The following ATP8A2 variants were observed in gnomAD, a reference collection of about 807,000 sequenced individuals.
The protein encoded by ATP8A2 is ATPase phospholipid transporting 8A2.
In ATP8A2, 100 loss-of-function variants were observed where a neutral mutation model predicts 165.6. The ratio of observed to expected loss-of-function variants is 0.60; its 90% CI spans 0.51 to 0.71. The LOEUF (loss-of-function observed/expected upper bound fraction) is 0.71. Ranked by LOEUF, ATP8A2 falls within the 30% of genes least tolerant of loss-of-function variation. ATP8A2 has a pLI of 0.00. For missense variants in ATP8A2, 1,227 were observed against 1,479.5 expected (o/e 0.83, Z 2.80); for synonymous variants, 543 against 548.8 (o/e 0.99, Z 0.15).
chr13:25,631,212 G>A (rs374972105), intron 24 of ATP8A2, among the ~76,000 whole-genome samples: 203 of 151,742 alleles, frequency 1.3e-3, no homozygotes, highest in Middle Eastern at 0.01. Context: ...TGTCCAACAG[G>A]ACTTTCTGCA....
chr13:25,813,382 T>TATATG (rs57194469), intron 27 of ATP8A2, among the ~76,000 whole-genome samples: 24,994 of 147,056 alleles, frequency 0.17, 2,221 homozygotes, highest in Middle Eastern at 0.23. Flanking sequence ...AGGATGATGA[T>TATATG]ATATGATATG....
intron 1 of ATP8A2, among the ~76,000 whole-genome samples, chr13:25,400,494 T>G (rs2033602745): frequency 6.6e-6 from 1 of 152,220 alleles, no homozygotes; most frequent in Non-Finnish European, 1.5e-5. Flanking sequence ...CCTTGAATGT[T>G]TGTCATTTCT....
chr13:25,395,845 TTTTC>T (rs1300367291), intron 1 of ATP8A2, among the ~76,000 whole-genome samples: 3 of 151,872 alleles, frequency 2.0e-5, no homozygotes, highest in South Asian at 2.1e-4. Flanking sequence ...CTGATCCAAT[TTTTC>T]TTTCTTTTTT....
In ATP8A2 at chr13:25,665,457, T is replaced by C. The variant is rs566230585; in HGVS notation, c.2212-33716T>C. ...TAAATATTAAAAAAGAACATGTAGA[T>C]CAGAATTTGGATGACTTTTTTTTCC... On this transcript the variant is annotated intron_variant, in intron 24 of 36. Coordinates refer to ENST00000381655, the MANE Select transcript of ATP8A2 (RefSeq NM_016529.6). 1.2e-3 allele frequency among the ~76,000 whole-genome samples: 178 copies of C among 152,046 alleles called. 2 individuals are homozygous for C. The highest frequency in any genetic ancestry group is 4.1e-3 in the African/African-American group (171 of 41,472).
At position 25,915,384 on chromosome 13, in the gene ATP8A2, G is replaced by A. The variant is rs146114259; in HGVS notation, c.3184-46191G>A. Among the ~76,000 whole-genome samples, 3 of 152,324 alleles carry A rather than the reference G, an allele frequency of 2.0e-5. No individual in the cohort carries two copies. In the East Asian group the frequency reaches 5.8e-4, roughly 29 times the overall value. ...GAGGGGACTGAGAGAGAACCTGGGG[G>A]TGAACAACAGCAGAAAATCGCCACC... On this transcript the variant is annotated intron_variant, in intron 33 of 36. Transcript: ENST00000381655.
chr13:25,498,923 T>C (rs1431420964), intron 2 of ATP8A2, among the ~76,000 whole-genome samples: 1 of 152,198 alleles, frequency 6.6e-6, no homozygotes, highest in Non-Finnish European at 1.5e-5. Flanking sequence ...GGCAGGATAC[T>C]GAGTCCTGTA....
At chr13:25,701,756 A>ACG in intron 25 of ATP8A2, among the ~76,000 whole-genome samples, 1 of 151,538 alleles carries the variant, frequency 6.6e-6, no homozygotes, top group South Asian at 2.1e-4. Context: ...ACACACACAC[A>ACG]CACACACACA....
chr13:25,761,887 A>G (rs1157679823), intron 25 of ATP8A2, among the ~76,000 whole-genome samples: 1 of 151,984 alleles, frequency 6.6e-6, no homozygotes, highest in Non-Finnish European at 1.5e-5. Flanking sequence ...AGGCCAGGAA[A>G]AAAAACTAAG....
chr13:25,865,197 G>A (rs1354176925), intron 33 of ATP8A2, among the ~76,000 whole-genome samples: 2 of 152,126 alleles, frequency 1.3e-5, no homozygotes, highest in African/African-American at 2.4e-5. Context: ...ACATGCCCAC[G>A]CCCTGTTCAT....
At chr13:25,816,180 A>G (rs1326117) in intron 27 of ATP8A2, among the ~76,000 whole-genome samples, 81,464 of 151,982 alleles carry the variant, frequency 0.54, 22,271 homozygotes, top group South Asian at 0.62. Flanking sequence ...TGTTCTGTAT[A>G]TTTTACCATA....
chr13:25,862,208 A>G, intron 32 of ATP8A2, 93 bp from the exon 33 acceptor site: 1 of 807,830 alleles, frequency 1.2e-6, no homozygotes, highest in Admixed American at 2.0e-5. Flanking sequence ...AAGGAAAGGT[A>G]GCTTGGATGC....
chr13:25,872,580 A>G (rs1952708198), intron 33 of ATP8A2, among the ~76,000 whole-genome samples: 1 of 152,126 alleles, frequency 6.6e-6, no homozygotes. Flanking sequence ...TCTTTACCCA[A>G]GGAAAAGAAG....
At chr13:25,898,141 T>C (rs182870653) in intron 33 of ATP8A2, among the ~76,000 whole-genome samples, 71 of 152,314 alleles carry the variant, frequency 4.7e-4, no homozygotes, top group African/African-American at 1.5e-3. Flanking sequence ...CTCTGTTTTT[T>C]CCCCATCTTT....
At chr13:25,705,068 G>A (rs779356948) in intron 25 of ATP8A2, 9 of 327,346 alleles carry the variant, frequency 2.7e-5, no homozygotes, top group South Asian at 5.0e-5. Flanking sequence ...AGGGGTGAAA[G>A]TTATGTGGAA....
intron 1 of ATP8A2, among the ~76,000 whole-genome samples, chr13:25,440,476 G>A (rs1034396473): frequency 3.9e-5 from 6 of 152,006 alleles, no homozygotes; most frequent in Non-Finnish European, 5.9e-5. Flanking sequence ...ACGGTCGCAG[G>A]GCATAATGTA....
chr13:25,639,430 A>G (rs1288333338), intron 24 of ATP8A2, among the ~76,000 whole-genome samples: 3 of 152,216 alleles, frequency 2.0e-5, no homozygotes, highest in Non-Finnish European at 4.4e-5. Context: ...AATGGAAAAC[A>G]AGAAAAGGCA....
At chr13:25,592,140 C>T (rs1375828426) in intron 24 of ATP8A2, among the ~76,000 whole-genome samples, 1 of 151,336 alleles carries the variant, frequency 6.6e-6, no homozygotes, top group East Asian at 1.9e-4. Context: ...TTACATGTGC[C>T]TTTTGGTCAT....
chr13:25,871,011 G>A (rs7983722), intron 33 of ATP8A2, among the ~76,000 whole-genome samples: 8,071 of 151,644 alleles, frequency 0.053, 542 homozygotes, highest in African/African-American at 0.14. Context: ...CCCTTCCCCC[G>A]TATACAATTT....
chr13:25,487,086 G>C (rs1353028582), intron 2 of ATP8A2, among the ~76,000 whole-genome samples: 1 of 152,148 alleles, frequency 6.6e-6, no homozygotes, highest in African/African-American at 2.4e-5. Context: ...TAACTAAAAA[G>C]GTGAATTGTT....
Sources: allele counts gnomAD v4.1 joint callset (sites outside exome capture counted in the v4.1 genomes callset), GRCh38; gene constraint gnomAD v4.1.1; transcripts MANE v1.5; gene names NCBI Gene and HGNC (gene_info 2026-07-23, HGNC 2026-07-21).